Variants in PPP2R5E observed in about 807,000 individuals in gnomAD.
The protein encoded by PPP2R5E is protein phosphatase 2 regulatory subunit B'epsilon.
PPP2R5E carries 4 observed loss-of-function variants against 65.3 expected under a neutral mutation model. That is an observed-to-expected ratio of 0.06 (90% confidence interval 0.03 to 0.14). PPP2R5E has a LOEUF of 0.14. PPP2R5E is among the 10% of genes least tolerant of loss of function. The probability of loss-of-function intolerance (pLI) is 1.00; values close to 1 mark genes in which losing one functional copy is unlikely to be tolerated. For missense variants in PPP2R5E, 274 were observed against 556.1 expected (o/e 0.49, Z 5.10); for synonymous variants, 183 against 187.4 (o/e 0.98, Z 0.19).
chr14:63,409,874 C>T (rs1886304055), intron 5 of PPP2R5E, among the ~76,000 whole-genome samples: 1 of 152,210 alleles, frequency 6.6e-6, no homozygotes, highest in African/African-American at 2.4e-5. Context: ...TACAAACTTG[C>T]TGAAAGTCAT....
chr14:63,538,189 C>T (rs900948828), intron 2 of PPP2R5E, among the ~76,000 whole-genome samples: 31 of 151,730 alleles, frequency 2.0e-4, no homozygotes, highest in East Asian at 1.9e-4. Flanking sequence ...AAGTTGATCC[C>T]GGCTACTCGG....
intron 2 of PPP2R5E, among the ~76,000 whole-genome samples, chr14:63,538,590 G>A (rs988173726): frequency 4.6e-5 from 7 of 151,680 alleles, no homozygotes; most frequent in African/African-American, 1.7e-4. Context: ...CTGAACTCTA[G>A]CCAGAGTGAC....
At chr14:63,512,973 G>T (rs1892521367) in intron 2 of PPP2R5E, among the ~76,000 whole-genome samples, 1 of 143,626 alleles carries the variant, frequency 7.0e-6, no homozygotes, top group Non-Finnish European at 1.5e-5. Flanking sequence ...AGCAGCAGTG[G>T]AAAACCCCAT....
At chr14:63,474,845 AGAAAGT>A (rs1890326884) in intron 2 of PPP2R5E, among the ~76,000 whole-genome samples, 1 of 152,194 alleles carries the variant, frequency 6.6e-6, no homozygotes, top group Admixed American at 6.5e-5. Context: ...GCAAGAGTGC[AGAAAGT>A]GAAGCAGAAG....
rs397814218 is a variant in PPP2R5E, at chr14:63,399,366, CTTTTTTTTTTTTTTTTTTTTTTTTT to C, written c.550-2675_550-2651del. On this transcript the variant is annotated intron_variant, in intron 5 of 13. Transcript: ENST00000337537. ...GCTACTAATAGGTCTGGATTTCTTT[CTTTTTTTTTTTTTTTTTTTTTTTTT>C]TTTTTTTGAGACAGAGTCTTGCTCT... 6.2e-5 allele frequency among the ~76,000 whole-genome samples: 3 copies of C among 48,518 alleles called. No homozygotes were observed. The East Asian group carries it at 1.8e-3, about 29-fold the overall frequency. 31.8% of individuals were successfully genotyped at this position (48,518 alleles called of 152,430 possible). A position where few individuals can be genotyped will look rare whatever the true frequency, so the allele number is the denominator to read the frequency against.
intron 4 of PPP2R5E, among the ~76,000 whole-genome samples, chr14:63,417,376 T>C (rs1265131436): frequency 6.6e-6 from 1 of 152,090 alleles, no homozygotes; most frequent in Non-Finnish European, 1.5e-5. Flanking sequence ...GTAACAAATA[T>C]TGTCAAATGG....
rs1250993568 is a variant in PPP2R5E, at chr14:63,371,966, T to C, written c.*4043A>G. 6.6e-6 allele frequency: 1 copy of C among 152,120 alleles called. No individual in the cohort carries two copies. The highest frequency in any genetic ancestry group is 6.6e-5 in the Admixed American group (1 of 15,264). 9.4% of individuals were successfully genotyped at this position (152,120 alleles called of 1,614,324 possible). A position where few individuals can be genotyped will look rare whatever the true frequency, so the allele number is the denominator to read the frequency against. Reference sequence around the variant, plus strand: ...CCAGAAAATGCATTGGTAATATTTATATTTGAAAATTCCCCATTGATACAT... The same window carrying C: ...CCAGAAAATGCATTGGTAATATTTACATTTGAAAATTCCCCATTGATACAT... On this transcript the variant is annotated 3_prime_UTR_variant, in exon 14 of 14. Coordinates refer to ENST00000337537, the MANE Select transcript of PPP2R5E (RefSeq NM_006246.5).
At position 63,427,091 on chromosome 14, in the gene PPP2R5E, A is replaced by C. The variant is rs551873066; in HGVS notation, c.355-4997T>G. ...CTTTTAATTTATAGTTTACGGTTAA[A>C]TGGATTATTAAATAGGGCACTTGCA... is the stretch of plus-strand genomic sequence containing the variant. On this transcript the variant is annotated intron_variant, in intron 3 of 13. Transcript: ENST00000337537. 2.0e-5 allele frequency among the ~76,000 whole-genome samples: 3 copies of C among 152,338 alleles called. No individual in the cohort carries two copies. The East Asian group carries it at 5.8e-4, about 29-fold the overall frequency.
intron 13 of PPP2R5E, among the ~76,000 whole-genome samples, chr14:63,376,608 A>G (rs1386788813): frequency 6.6e-6 from 1 of 152,222 alleles, no homozygotes; most frequent in Non-Finnish European, 1.5e-5. Context: ...TTTTAAATTT[A>G]GTGATTTTCA....
intron 2 of PPP2R5E, among the ~76,000 whole-genome samples, chr14:63,490,539 C>T (rs1891231113): frequency 6.6e-6 from 1 of 151,640 alleles, no homozygotes; most frequent in African/African-American, 2.4e-5. Flanking sequence ...AACAAATCAA[C>T]AAGAAAAAAA....
intron 11 of PPP2R5E, among the ~76,000 whole-genome samples, chr14:63,385,730 G>A (rs1040598560): frequency 6.6e-6 from 1 of 151,986 alleles, no homozygotes; most frequent in African/African-American, 2.4e-5. Context: ...AGAGACTCAG[G>A]GAGACTGAGT....
chr14:63,397,488 CAAGATTCGGTCTTTAAAAAAAAAAAAA>C (rs1885468099), intron 5 of PPP2R5E, among the ~76,000 whole-genome samples: 1 of 101,528 alleles, frequency 9.8e-6, no homozygotes, highest in Non-Finnish European at 1.8e-5. Flanking sequence ...GGCCATAGAG[CAAGATTCGGTCTTTAAAAAAAAAAAAA>C]AAAAAAAAAA....
In PPP2R5E at chr14:63,480,718, T is replaced by C. The variant is rs897588495; in HGVS notation, c.158-26833A>G. On this transcript the variant is annotated intron_variant, in intron 2 of 13. Coordinates refer to ENST00000337537, the MANE Select transcript of PPP2R5E (RefSeq NM_006246.5). ...TTCTCAGCCTCTCAAAGTGCCGGGATTACAGGCATGAGCCACTGTGCCTGG... is the reference window on the plus strand; with the variant it reads ...TTCTCAGCCTCTCAAAGTGCCGGGACTACAGGCATGAGCCACTGTGCCTGG... Among the ~76,000 whole-genome samples the C allele has an allele frequency of 2.3e-4, 35 of 152,202 alleles. 1 individual carries two copies. Among genetic ancestry groups the C allele is most frequent in the Non-Finnish European group, 4.6e-4 (31 of 68,028 alleles).
chr14:63,427,976 T>C (rs1295116048), intron 3 of PPP2R5E, among the ~76,000 whole-genome samples: 2 of 152,132 alleles, frequency 1.3e-5, no homozygotes, highest in Non-Finnish European at 2.9e-5. Context: ...TTTCTCTCTT[T>C]TTCCTCTCAT....
At chr14:63,388,134 T>C (rs1884786747) in intron 11 of PPP2R5E, among the ~76,000 whole-genome samples, 1 of 151,828 alleles carries the variant, frequency 6.6e-6, no homozygotes, top group East Asian at 1.9e-4. Flanking sequence ...TTCTCCTTTC[T>C]TTTTTCTTTC....
intron 2 of PPP2R5E, among the ~76,000 whole-genome samples, chr14:63,461,418 T>A (rs1176161647): frequency 6.6e-6 from 1 of 151,988 alleles, no homozygotes; most frequent in Non-Finnish European, 1.5e-5. Context: ...ATTTTCACTA[T>A]AATTTCATAA....
At chr14:63,380,222 G>A (rs1401205343) in intron 13 of PPP2R5E, among the ~76,000 whole-genome samples, 2 of 152,092 alleles carry the variant, frequency 1.3e-5, no homozygotes, top group African/African-American at 4.8e-5. Flanking sequence ...AAGATGTTAT[G>A]CACAAAGCAC....
chr14:63,528,269 T>C (rs1893263063), intron 2 of PPP2R5E, among the ~76,000 whole-genome samples: 1 of 152,174 alleles, frequency 6.6e-6, no homozygotes, highest in Non-Finnish European at 1.5e-5. Context: ...TCAGAGAACA[T>C]TTGCCCATAA....
At chr14:63,476,594 A>G (rs1890423356) in intron 2 of PPP2R5E, among the ~76,000 whole-genome samples, 1 of 151,984 alleles carries the variant, frequency 6.6e-6, no homozygotes, top group African/African-American at 2.4e-5. Flanking sequence ...TCTAAATCAG[A>G]CTCTACTGTC....
Sources: gnomAD v4.1 joint callset for allele counts (sites outside exome capture counted in the v4.1 genomes callset) on GRCh38, gnomAD v4.1.1 for gene constraint, MANE v1.5 for transcripts, NCBI Gene and HGNC (gene_info 2026-07-23, HGNC 2026-07-21) for gene names.